Variants in RIMS2 observed in about 807,000 individuals in gnomAD.
RIMS2 encodes regulating synaptic membrane exocytosis 2.
In RIMS2, 59 loss-of-function variants were observed where a neutral mutation model predicts 174.4. The observed-to-expected ratio is 0.34, with a 90% CI of 0.27 to 0.42. RIMS2 has a LOEUF of 0.42. Ranked by LOEUF, RIMS2 falls within the 10% of genes least tolerant of loss-of-function variation. The pLI is 1.00. For missense variants in RIMS2, 1,620 were observed against 1,666.3 expected (o/e 0.97, Z 0.48); for synonymous variants, 606 against 572.5 (o/e 1.06, Z -0.84).
Position 103,749,959 on chromosome 8 carries a change from C to T in RIMS2, c.388-16268C>T, listed in dbSNP as rs552265886. Among the ~76,000 whole-genome samples, 48 of 152,060 alleles carry T rather than the reference C, an allele frequency of 3.2e-4. 1 individual carries two copies. In the South Asian group the frequency reaches 9.5e-3, roughly 30 times the overall value. On this transcript the variant is annotated intron_variant, in intron 2 of 23. Transcript: ENST00000504942. Reference sequence around the variant, plus strand: ...CATAATAAATATACAATTTAAAAATCTTATTTTAATTCAGAATTGGGTTCT... The same window carrying T: ...CATAATAAATATACAATTTAAAAATTTTATTTTAATTCAGAATTGGGTTCT...
At chr8:103,579,496 G>A (rs562060389) in intron 1 of RIMS2, among the ~76,000 whole-genome samples, 41 of 152,222 alleles carry the variant, frequency 2.7e-4, no homozygotes, top group African/African-American at 9.4e-4. Context: ...AATAATCATA[G>A]TTATAGCTAC....
At chr8:103,755,242 T>A (rs931013771) in intron 2 of RIMS2, among the ~76,000 whole-genome samples, 6 of 152,240 alleles carry the variant, frequency 3.9e-5, no homozygotes, top group Non-Finnish European at 8.8e-5. Context: ...TCTTTATGAA[T>A]GTTGAATATT....
intron 1 of RIMS2, among the ~76,000 whole-genome samples, chr8:103,566,308 C>T (rs959474188): frequency 2.6e-5 from 4 of 152,070 alleles, no homozygotes; most frequent in Non-Finnish European, 5.9e-5. Flanking sequence ...CTGGTATTTC[C>T]TATTTCTTCT....
chr8:104,040,301 C>T (rs191271050), intron 19 of RIMS2, among the ~76,000 whole-genome samples: 1 of 151,564 alleles, frequency 6.6e-6, no homozygotes, highest in African/African-American at 2.4e-5. Flanking sequence ...TGATTCAAAG[C>T]TAAGTGTTTA....
chr8:103,615,101 C>G (rs750172693), intron 1 of RIMS2, among the ~76,000 whole-genome samples: 2 of 152,064 alleles, frequency 1.3e-5, no homozygotes, highest in East Asian at 1.9e-4. Flanking sequence ...AAAATGTACC[C>G]TTTACTGCTC....
intron 19 of RIMS2, among the ~76,000 whole-genome samples, chr8:104,104,812 A>G (rs986688757): frequency 4.0e-5 from 6 of 151,894 alleles, no homozygotes; most frequent in Non-Finnish European, 8.8e-5. Context: ...CTAGTGAGGC[A>G]AAGGCTGCAG....
intron 19 of RIMS2, among the ~76,000 whole-genome samples, chr8:104,203,803 C>T (rs1260947654): frequency 3.9e-5 from 6 of 152,146 alleles, no homozygotes; most frequent in Admixed American, 3.3e-4. Flanking sequence ...AGTGCCTGAT[C>T]TACTTTTTAT....
chr8:103,554,174 G>A (rs761733828), intron 1 of RIMS2, among the ~76,000 whole-genome samples: 68 of 151,886 alleles, frequency 4.5e-4, no homozygotes, highest in Middle Eastern at 3.2e-3. Flanking sequence ...AAAAGGAATT[G>A]CAAAAAAAAT....
intron 17 of RIMS2, among the ~76,000 whole-genome samples, chr8:103,996,907 AT>A (rs919860987): frequency 2.0e-5 from 3 of 151,890 alleles, no homozygotes; most frequent in Non-Finnish European, 4.4e-5. Flanking sequence ...AATAAAGACT[AT>A]TTTTAATAGC....
intron 15 of RIMS2, among the ~76,000 whole-genome samples, chr8:103,966,626 A>C (rs2091892301): frequency 6.6e-6 from 1 of 151,926 alleles, no homozygotes; most frequent in African/African-American, 2.4e-5. Flanking sequence ...TACTGACTCT[A>C]ATTCTACTAT....
chr8:104,226,788 C>T (rs2099190520), intron 19 of RIMS2, among the ~76,000 whole-genome samples: 1 of 152,128 alleles, frequency 6.6e-6, no homozygotes, highest in African/African-American at 2.4e-5. Context: ...CTCCCACACA[C>T]CTTTGAAAAG....
intron 19 of RIMS2, among the ~76,000 whole-genome samples, chr8:104,062,164 G>T (rs2097009879): frequency 6.6e-6 from 1 of 152,078 alleles, no homozygotes; most frequent in South Asian, 2.1e-4. Flanking sequence ...TCAGCACTTT[G>T]GGAGGCTGAG....
chr8:103,791,073 C>T (rs1373754512), intron 3 of RIMS2, among the ~76,000 whole-genome samples: 1 of 152,078 alleles, frequency 6.6e-6, no homozygotes, highest in Non-Finnish European at 1.5e-5. Flanking sequence ...ACAGAGAATG[C>T]CACAAAAGAT....
At chr8:103,546,899 G>T (rs1845377523) in intron 1 of RIMS2, among the ~76,000 whole-genome samples, 1 of 152,120 alleles carries the variant, frequency 6.6e-6, no homozygotes, top group Non-Finnish European at 1.5e-5. Context: ...TGTTTTCTCA[G>T]GCTTTGGCAA....
intron 1 of RIMS2, among the ~76,000 whole-genome samples, chr8:103,590,046 T>C (rs544944452): frequency 6.6e-6 from 1 of 151,474 alleles, no homozygotes; most frequent in Admixed American, 6.6e-5. Context: ...TAGTTAATAA[T>C]TACTTAATTG....
At chr8:103,553,729 G>A (rs772869977) in intron 1 of RIMS2, among the ~76,000 whole-genome samples, 4 of 151,832 alleles carry the variant, frequency 2.6e-5, no homozygotes, top group Non-Finnish European at 5.9e-5. Context: ...AACCAAAAAA[G>A]AGCCCAAATA....
At chr8:104,081,770 T>G (rs1350980404) in intron 19 of RIMS2, among the ~76,000 whole-genome samples, 1 of 152,094 alleles carries the variant, frequency 6.6e-6, no homozygotes, top group Non-Finnish European at 1.5e-5. Context: ...GAAAGCTAGA[T>G]TACATTCTCT....
intron 1 of RIMS2, among the ~76,000 whole-genome samples, chr8:103,536,359 A>G (rs1839759283): frequency 6.6e-6 from 1 of 152,214 alleles, no homozygotes; most frequent in African/African-American, 2.4e-5. Flanking sequence ...AAGAACAAGC[A>G]GTAAGAAAGG....
chr8:104,185,216 G>A (rs551920442), intron 19 of RIMS2, among the ~76,000 whole-genome samples: 3 of 151,586 alleles, frequency 2.0e-5, no homozygotes, highest in Non-Finnish European at 4.4e-5. Context: ...AATTAAGCCA[G>A]TTATTAATTG....
Sources: allele counts gnomAD v4.1 joint callset (sites outside exome capture counted in the v4.1 genomes callset), GRCh38; gene constraint gnomAD v4.1.1; transcripts MANE v1.5; gene names NCBI Gene and HGNC (gene_info 2026-07-23, HGNC 2026-07-21).